Variants in PTPRD observed in about 807,000 individuals in gnomAD.
The protein encoded by PTPRD is receptor-type tyrosine-protein phosphatase delta.
Under a neutral mutation model 214.5 loss-of-function variants are expected in PTPRD, and 34 were observed. The observed-to-expected ratio is 0.16, with a 90% confidence interval of 0.12 to 0.21. The LOEUF (loss-of-function observed/expected upper bound fraction) is 0.21, where lower values mean the gene tolerates loss of function less well. PTPRD is among the 10% of genes least tolerant of loss of function. The probability of loss-of-function intolerance (pLI) is 1.00; values close to 1 mark genes in which losing one functional copy is unlikely to be tolerated. For synonymous variants in PTPRD, 1,128 were observed against 845.7 expected (o/e 1.33, Z -5.79); for missense variants, 2,545 against 2,398.7 (o/e 1.06, Z -1.27).
chr9:9,445,698 C>T (rs2090157103), intron 8 of PTPRD, among the ~76,000 whole-genome samples: 1 of 152,024 alleles, frequency 6.6e-6, no homozygotes, highest in Non-Finnish European at 1.5e-5. Context: ...GTAAATGCCC[C>T]CATGATTCAG....
chr9:10,387,681 A>T (rs1189884890), intron 2 of PTPRD, among the ~76,000 whole-genome samples: 2 of 151,750 alleles, frequency 1.3e-5, no homozygotes, highest in Non-Finnish European at 2.9e-5. Flanking sequence ...AACTTGGTAC[A>T]TGACAAATGA....
intron 11 of PTPRD, among the ~76,000 whole-genome samples, chr9:8,958,052 T>C (rs2099140694): frequency 6.6e-6 from 1 of 151,886 alleles, no homozygotes. Flanking sequence ...TGCTAATCAT[T>C]TGTTCTGTAA....
intron 34 of PTPRD, among the ~76,000 whole-genome samples, chr9:8,439,498 G>C (rs1320777917): frequency 1.3e-5 from 2 of 152,074 alleles, no homozygotes; most frequent in Admixed American, 1.3e-4. Flanking sequence ...CAGTTGAATT[G>C]TTTATTTTTT....
intron 3 of PTPRD, among the ~76,000 whole-genome samples, chr9:10,043,351 G>C (rs900990111): frequency 2.6e-5 from 4 of 151,836 alleles, no homozygotes; most frequent in Non-Finnish European, 5.9e-5. Flanking sequence ...GCTTGATAAA[G>C]AAAGCCATTT....
intron 7 of PTPRD, among the ~76,000 whole-genome samples, chr9:9,721,589 G>A (rs1164530818): frequency 6.6e-6 from 1 of 152,128 alleles, no homozygotes; most frequent in Non-Finnish European, 1.5e-5. Flanking sequence ...CTAAGATACA[G>A]TCATGATGCT....
At chr9:8,921,546 T>G (rs1341504337) in intron 11 of PTPRD, among the ~76,000 whole-genome samples, 1 of 151,902 alleles carries the variant, frequency 6.6e-6, no homozygotes, top group Non-Finnish European at 1.5e-5. Context: ...CAGGCTGGAG[T>G]GCTGTGGCAC....
intron 4 of PTPRD, among the ~76,000 whole-genome samples, chr9:9,979,186 C>T (rs1323319356): frequency 6.6e-6 from 1 of 151,648 alleles, no homozygotes; most frequent in Non-Finnish European, 1.5e-5. Context: ...TAGATTTATA[C>T]AAAGAAAGAG....
intron 3 of PTPRD, among the ~76,000 whole-genome samples, chr9:10,298,335 T>C (rs900621048): frequency 2.0e-5 from 3 of 152,082 alleles, no homozygotes; most frequent in African/African-American, 7.2e-5. Context: ...GATCCATTAC[T>C]CAACAAAGGA....
chr9:9,523,094 T>A (rs1464939210), intron 8 of PTPRD, among the ~76,000 whole-genome samples: 1 of 152,118 alleles, frequency 6.6e-6, no homozygotes, highest in Non-Finnish European at 1.5e-5. Flanking sequence ...TTCCTACAAC[T>A]GAAAAAATAA....
rs537777234 is a variant in PTPRD, at chr9:9,015,408, C to G, written c.-104+3289G>C. ...GTCCTCACTGCTACACTCCCACCAG[C>G]GCCATGACAGTTTACAAATGCCATG... On this transcript the variant is annotated intron_variant, in intron 11 of 45. Transcript: ENST00000381196. Among the ~76,000 whole-genome samples the G allele has an allele frequency of 2.6e-5, 4 of 152,230 alleles. No individual in the cohort carries two copies. The South Asian group carries it at 8.3e-4, about 32-fold the overall frequency.
At chr9:9,008,214 T>TTTA (rs1470526134) in intron 11 of PTPRD, among the ~76,000 whole-genome samples, 7 of 141,198 alleles carry the variant, frequency 5.0e-5, no homozygotes, top group Non-Finnish European at 1.1e-4. Context: ...ATTTTATTTA[T>TTTA]TTATTTATTT....
At chr9:8,365,627 A>C (rs1421707048) in intron 39 of PTPRD, among the ~76,000 whole-genome samples, 1 of 152,130 alleles carries the variant, frequency 6.6e-6, no homozygotes, top group East Asian at 1.9e-4. Context: ...AGGTAGAATA[A>C]ATGAGGTCAT....
chr9:10,383,777 C>T (rs575923470), intron 2 of PTPRD, among the ~76,000 whole-genome samples: 3 of 151,796 alleles, frequency 2.0e-5, no homozygotes, highest in East Asian at 3.9e-4. Flanking sequence ...GGCACTCAAA[C>T]GTCTGACTCT....
chr9:8,542,665 A>G (rs1320093380), intron 14 of PTPRD, among the ~76,000 whole-genome samples: 1 of 152,256 alleles, frequency 6.6e-6, no homozygotes, highest in African/African-American at 2.4e-5. Context: ...CTAAGTACAA[A>G]GCAAGTGTCT....
chr9:9,781,097 A>G (rs2098839509), intron 5 of PTPRD, among the ~76,000 whole-genome samples: 1 of 152,176 alleles, frequency 6.6e-6, no homozygotes, highest in East Asian at 1.9e-4. Flanking sequence ...ATTCTGCTTG[A>G]TGCTTTCATG....
At chr9:8,603,253 G>A (rs1336201435) in intron 14 of PTPRD, among the ~76,000 whole-genome samples, 1 of 136,498 alleles carries the variant, frequency 7.3e-6, no homozygotes, top group Admixed American at 7.1e-5. Context: ...CATCAGCTGG[G>A]GAACTACAAG....
chr9:10,086,093 A>G (rs2098332780), intron 3 of PTPRD, among the ~76,000 whole-genome samples: 1 of 151,770 alleles, frequency 6.6e-6, no homozygotes, highest in Admixed American at 6.6e-5. Context: ...TCTGACTATA[A>G]ATGTGTAAGA....
chr9:10,541,327 C>A (rs1305550494), intron 2 of PTPRD, among the ~76,000 whole-genome samples: 1 of 152,032 alleles, frequency 6.6e-6, no homozygotes, highest in Non-Finnish European at 1.5e-5. Flanking sequence ...AAAACATATC[C>A]AATTGACGGA....
intron 8 of PTPRD, among the ~76,000 whole-genome samples, chr9:9,562,412 C>T (rs1376023959): frequency 1.3e-5 from 2 of 152,188 alleles, no homozygotes; most frequent in Non-Finnish European, 1.5e-5. Flanking sequence ...AGACCATACC[C>T]TATTTGCCAT....
Sources: allele counts gnomAD v4.1 joint callset (sites outside exome capture counted in the v4.1 genomes callset), GRCh38; gene constraint gnomAD v4.1.1; transcripts MANE v1.5; gene names NCBI Gene and HGNC (gene_info 2026-07-23, HGNC 2026-07-21).